Variants in DGLUCY observed in about 807,000 individuals in gnomAD.
DGLUCY encodes the protein D-glutamate cyclase, mitochondrial.
Under a neutral mutation model 58.5 loss-of-function variants are expected in DGLUCY, and 58 were observed. The observed-to-expected ratio is 0.99, with a 90% CI of 0.80 to 1.23. The LOEUF (loss-of-function observed/expected upper bound fraction) is 1.23, where lower values mean the gene tolerates loss of function less well. Ranked by LOEUF, DGLUCY falls within the 50% of genes most tolerant of loss-of-function variation. DGLUCY has a pLI of 0.00. For synonymous variants in DGLUCY, 325 were observed against 314.1 expected, an observed-to-expected ratio of 1.03 and a Z score of -0.37; for missense variants, 779 against 784.7, an observed-to-expected ratio of 0.99 and a Z score of 0.09.
chr14:91,085,278 A>G (rs1340966264), intron 1 of DGLUCY, among the ~76,000 whole-genome samples: 1 of 151,610 alleles, frequency 6.6e-6, no homozygotes, highest in East Asian at 1.9e-4. Context: ...CCGCTAAACA[A>G]GTAAACCTCA....
intron 1 of DGLUCY, among the ~76,000 whole-genome samples, chr14:91,102,788 T>C (rs2044514994): frequency 6.6e-6 from 1 of 150,996 alleles, no homozygotes; most frequent in African/African-American, 2.5e-5. Flanking sequence ...TGTGTGTGTT[T>C]GAGACTGAGT....
intron 4 of DGLUCY, among the ~76,000 whole-genome samples, chr14:91,168,021 T>A (rs1595820020): frequency 6.6e-6 from 1 of 152,136 alleles, no homozygotes; most frequent in East Asian, 1.9e-4. Flanking sequence ...TCCCAGTACT[T>A]CGGGAGGCTG....
intron 3 of DGLUCY, among the ~76,000 whole-genome samples, chr14:91,163,488 T>C (rs541704830): frequency 1.3e-5 from 2 of 152,224 alleles, no homozygotes; most frequent in Admixed American, 1.3e-4. Context: ...GCTTGTAGCA[T>C]TGGCAGGCAC....
intron 3 of DGLUCY, chr14:91,165,344 A>G (rs942698015): frequency 9.0e-6 from 4 of 443,668 alleles, no homozygotes; most frequent in South Asian, 1.6e-5. Flanking sequence ...GGAGGTAGGT[A>G]TGGTTGCTGC....
chr14:91,162,463 A>T (rs921136293), intron 3 of DGLUCY, among the ~76,000 whole-genome samples: 1 of 152,174 alleles, frequency 6.6e-6, no homozygotes, highest in Non-Finnish European at 1.5e-5. Context: ...AGAGTCCACC[A>T]TCCTCTCCAG....
chr14:91,137,154 G>A (rs1180468881), intron 1 of DGLUCY, among the ~76,000 whole-genome samples: 4 of 146,092 alleles, frequency 2.7e-5, no homozygotes, highest in Non-Finnish European at 3.0e-5. Flanking sequence ...TTTTTTTCCC[G>A]TAGAGACATG....
intron 8 of DGLUCY, among the ~76,000 whole-genome samples, chr14:91,185,217 C>T (rs1181658321): frequency 1.3e-5 from 2 of 151,246 alleles, no homozygotes; most frequent in African/African-American, 4.9e-5. Flanking sequence ...AATCTGCCCA[C>T]CTCGGCCTCC....
At chr14:91,076,670 T>C (rs2044027300) in intron 1 of DGLUCY, among the ~76,000 whole-genome samples, 1 of 151,966 alleles carries the variant, frequency 6.6e-6, no homozygotes, top group African/African-American at 2.4e-5. Flanking sequence ...TGGGTCAGGA[T>C]TGAAAGATGA....
Position 91,196,486 on chromosome 14 carries a change from G to T in DGLUCY, c.1295+12G>T. 6.2e-7 allele frequency: 1 copy of T among 1,609,018 alleles called. No homozygotes were observed. On this transcript the variant is annotated intron_variant, in intron 10 of 13. Transcript: ENST00000256324. ...CCGCAGACACCTAGGTACGTATGTC[G>T]CATCCCAGTTTAAGTGGCGGATGGT...
At chr14:91,171,184 C>G (rs977626244) in intron 5 of DGLUCY, among the ~76,000 whole-genome samples, 1 of 152,088 alleles carries the variant, frequency 6.6e-6, no homozygotes, top group South Asian at 2.1e-4. Flanking sequence ...ATGAGGAAAC[C>G]GAGGTCTAAA....
chr14:91,090,054 T>C (rs560764453), intron 1 of DGLUCY, among the ~76,000 whole-genome samples: 1 of 152,246 alleles, frequency 6.6e-6, no homozygotes, highest in Admixed American at 6.5e-5. Context: ...AGTGGGGCCC[T>C]GACGAAGGAG....
chr14:91,225,015 A>G lies in DGLUCY; in HGVS notation c.*182A>G. On this transcript the variant is annotated 3_prime_UTR_variant, in exon 14 of 14. Coordinates refer to ENST00000256324, the MANE Select transcript of DGLUCY (RefSeq NM_001102368.3). ...GGAGGGGTTAGTGCAGGTGCTGTGG[A>G]CAAAGGACAACATTTCTCTGGGGCT... The G allele has an allele frequency of 3.7e-6, 2 of 534,974 alleles. No individual in the cohort carries two copies. The highest frequency in any genetic ancestry group is 6.1e-6 in the Non-Finnish European group (2 of 328,246). 33.1% of individuals were successfully genotyped at this position (534,974 alleles called of 1,614,324 possible).
intron 1 of DGLUCY, among the ~76,000 whole-genome samples, chr14:91,088,508 G>A (rs116342677): frequency 0.014 from 2,179 of 152,326 alleles, 49 homozygotes; most frequent in African/African-American, 0.049. Flanking sequence ...CCCCCTCAGT[G>A]TCTTGTTCTC....
At chr14:91,196,351 G>T (rs1313603072) in intron 9 of DGLUCY, 24 bp from the exon 10 acceptor site, 2 of 1,603,088 alleles carry the variant, frequency 1.2e-6, no homozygotes, top group Admixed American at 1.7e-5. Flanking sequence ...GCTGATGTGT[G>T]CCCTGCTTGC....
intron 8 of DGLUCY, among the ~76,000 whole-genome samples, chr14:91,187,772 A>T (rs911201198): frequency 2.6e-5 from 4 of 152,148 alleles, no homozygotes; most frequent in Non-Finnish European, 4.4e-5. Flanking sequence ...AGGACCCCAC[A>T]GTTTCTTAGA....
chr14:91,080,662 C>T (rs557354801), intron 1 of DGLUCY, among the ~76,000 whole-genome samples: 4 of 152,182 alleles, frequency 2.6e-5, no homozygotes, highest in Non-Finnish European at 4.4e-5. Flanking sequence ...AGCCACCACA[C>T]GCAGCCCCAG....
At chr14:91,089,872 A>C (rs1330691226) in intron 1 of DGLUCY, among the ~76,000 whole-genome samples, 1 of 152,148 alleles carries the variant, frequency 6.6e-6, no homozygotes, top group East Asian at 1.9e-4. Context: ...CACAAAAATT[A>C]AAAATAAAAT....
intron 13 of DGLUCY, among the ~76,000 whole-genome samples, chr14:91,219,410 G>C (rs1384380420): frequency 6.6e-6 from 1 of 152,232 alleles, no homozygotes; most frequent in African/African-American, 2.4e-5. Context: ...ACAGTGTGCA[G>C]AGGAAATAGC....
intron 8 of DGLUCY, among the ~76,000 whole-genome samples, chr14:91,188,418 G>A (rs1169566167): frequency 2.0e-5 from 3 of 152,150 alleles, no homozygotes; most frequent in Non-Finnish European, 4.4e-5. Flanking sequence ...TCAGGGGGCG[G>A]GGGTAGAATA....
Sources: gnomAD v4.1 joint callset for allele counts (sites outside exome capture counted in the v4.1 genomes callset) on GRCh38, gnomAD v4.1.1 for gene constraint, MANE v1.5 for transcripts, NCBI Gene and HGNC (gene_info 2026-07-23, HGNC 2026-07-21) for gene names.